MSR1: variants seen among roughly 807,000 people sequenced by gnomAD.
MSR1 encodes macrophage scavenger receptor types I and II.
A neutral mutation model predicts 47.2 loss-of-function variants in MSR1; 53 were observed. That is an observed-to-expected ratio of 1.12 (90% CI 0.90 to 1.41). MSR1 has a LOEUF of 1.41. Ranked by LOEUF, MSR1 falls within the 40% of genes most tolerant of loss-of-function variation. MSR1 has a pLI of 0.00. For synonymous variants in MSR1, 239 were observed against 185.6 expected (o/e 1.29, Z -2.34); for missense variants, 786 against 546.9 (o/e 1.44, Z -4.36).
At chr8:16,153,134 G>C (rs1248007586) in intron 6 of MSR1, among the ~76,000 whole-genome samples, 1 of 152,016 alleles carries the variant, frequency 6.6e-6, no homozygotes, top group East Asian at 1.9e-4. Context: ...GTCTAGGTGA[G>C]TTTGACTTGG....
At chr8:16,167,985 T>C (rs1253733072) in intron 4 of MSR1, among the ~76,000 whole-genome samples, 3 of 152,042 alleles carry the variant, frequency 2.0e-5, no homozygotes, top group Non-Finnish European at 2.9e-5. Context: ...AGACTCCCCA[T>C]ACAAAAACTG....
intron 7 of MSR1, among the ~76,000 whole-genome samples, chr8:16,146,607 T>C (rs1462558238): frequency 2.6e-5 from 4 of 152,148 alleles, no homozygotes; most frequent in Non-Finnish European, 4.4e-5. Flanking sequence ...TTCACCTTAC[T>C]TGACCACCTT....
At chr8:16,171,123 C>T (rs1250997672) in intron 3 of MSR1, among the ~76,000 whole-genome samples, 3 of 149,476 alleles carry the variant, frequency 2.0e-5, no homozygotes, top group African/African-American at 7.4e-5. Context: ...GCTCGGGAGG[C>T]TGAGGCAGGA....
chr8:16,160,273 A>C (rs1801125627), intron 5 of MSR1, among the ~76,000 whole-genome samples: 1 of 152,068 alleles, frequency 6.6e-6, no homozygotes, highest in South Asian at 2.1e-4. Flanking sequence ...GGAACAGAGA[A>C]TACAGAATGT....
At chr8:16,131,451 T>TTTG (rs1236942146) in intron 8 of MSR1, among the ~76,000 whole-genome samples, 23 of 147,950 alleles carry the variant, frequency 1.6e-4, no homozygotes, top group African/African-American at 5.2e-4. Context: ...GTTTTTTTTT[T>TTTG]TTTTTTTTTT....
At chr8:16,165,716 T>C (rs566208461) in intron 4 of MSR1, among the ~76,000 whole-genome samples, 1 of 152,222 alleles carries the variant, frequency 6.6e-6, no homozygotes, top group South Asian at 2.1e-4. Flanking sequence ...TAGACAAGCT[T>C]AGGTGAGAGG....
rs142368693 is a variant in MSR1, at chr8:16,173,517, T to A, written c.217+1670A>T. On this transcript the variant is annotated intron_variant, in intron 3 of 9. Transcript: ENST00000262101. The stretch of plus-strand genomic sequence containing the variant: ...ATTGTTTAATGCCAAACGTGTCAGG[T>A]CCTTTTACTCAGACAACAATAGTTT... Among the ~76,000 whole-genome samples the A allele has an allele frequency of 9.5e-3, 1,447 of 152,334 alleles. 11 individuals carry two copies. Among genetic ancestry groups the A allele is most frequent in the Middle Eastern group, 0.017 (5 of 294 alleles).
chr8:16,129,322 G>A (rs1800200898), intron 8 of MSR1, among the ~76,000 whole-genome samples: 1 of 152,198 alleles, frequency 6.6e-6, no homozygotes, highest in South Asian at 2.1e-4. Flanking sequence ...TGAGTAAGAA[G>A]TAGAAAATGA....
At position 16,164,462 on chromosome 8, in the gene MSR1, A is replaced by G. The variant is rs555374649; in HGVS notation, c.631-211T>C. 1.9e-4 allele frequency among the ~76,000 whole-genome samples: 29 copies of G among 152,090 alleles called. No homozygotes were observed. The South Asian group carries it at 5.8e-3, about 30-fold the overall frequency. Reference sequence around the variant, plus strand: ...TTGACTGAATGGCTGAATGTTTACAATCACAACCCCCTTCAAAAATCAATT... The same window carrying G: ...TTGACTGAATGGCTGAATGTTTACAGTCACAACCCCCTTCAAAAATCAATT... On this transcript the variant is annotated intron_variant, in intron 4 of 9. Coordinates refer to ENST00000262101, the MANE Select transcript of MSR1 (RefSeq NM_138715.3).
At chr8:16,120,656 A>G in intron 8 of MSR1, 50 bp from the exon 9 acceptor site, 1 of 1,530,796 alleles carries the variant, frequency 6.5e-7, no homozygotes, top group African/African-American at 1.4e-5. Flanking sequence ...AGCAAGGACT[A>G]ATTATGTACA....
chr8:16,116,599 A>G (rs1799881055), intron 9 of MSR1, among the ~76,000 whole-genome samples: 1 of 151,078 alleles, frequency 6.6e-6, no homozygotes, highest in Admixed American at 6.5e-5. Flanking sequence ...AAGTTTAAAA[A>G]AAACCATTTT....
At chr8:16,112,212 A>C (rs1223612757) in intron 9 of MSR1, among the ~76,000 whole-genome samples, 1 of 152,190 alleles carries the variant, frequency 6.6e-6, no homozygotes, top group Non-Finnish European at 1.5e-5. Context: ...AGTTTCAGAC[A>C]CAGTGAAAAT....
intron 1 of MSR1, among the ~76,000 whole-genome samples, chr8:16,183,089 G>T (rs547478946): frequency 6.6e-6 from 1 of 152,004 alleles, no homozygotes; most frequent in Admixed American, 6.6e-5. Flanking sequence ...TCATACATAT[G>T]GTCCTGTGTT....
chr8:16,140,384 T>C, intron 8 of MSR1: 3 of 985,592 alleles, frequency 3.0e-6, no homozygotes, highest in Non-Finnish European at 3.6e-6. Flanking sequence ...GATTCCTCAG[T>C]AAAAATCAAA....
intron 8 of MSR1, among the ~76,000 whole-genome samples, chr8:16,123,454 C>T (rs12114368): frequency 0.067 from 10,247 of 152,082 alleles, 602 homozygotes; most frequent in East Asian, 0.23. Context: ...AGCTAATTCA[C>T]TGTCACAAAG....
chr8:16,127,299 T>A (rs754100840), intron 8 of MSR1, among the ~76,000 whole-genome samples: 2 of 152,136 alleles, frequency 1.3e-5, no homozygotes, highest in Non-Finnish European at 2.9e-5. Flanking sequence ...AATACTAGAA[T>A]ACATATGACC....
At chr8:16,187,611 C>T (rs1802041304) in intron 1 of MSR1, among the ~76,000 whole-genome samples, 1 of 151,880 alleles carries the variant, frequency 6.6e-6, no homozygotes, top group South Asian at 2.1e-4. Context: ...TCAGAGAGTT[C>T]CTGAAGGTGC....
chr8:16,180,084 GTC>G (rs1381690083), intron 1 of MSR1, among the ~76,000 whole-genome samples: 1 of 140,634 alleles, frequency 7.1e-6, no homozygotes, highest in Non-Finnish European at 1.5e-5. Context: ...ATTGTACCCG[GTC>G]TCTCTCTTTC....
intron 9 of MSR1, 63 bp downstream of exon 9, chr8:16,120,355 C>A (rs917081217): frequency 1.3e-6 from 2 of 1,552,256 alleles, no homozygotes; most frequent in African/African-American, 1.4e-5. Flanking sequence ...CCAGTCTGGG[C>A]GACAGAATGA....
Sources: allele counts gnomAD v4.1 joint callset (sites outside exome capture counted in the v4.1 genomes callset), GRCh38; gene constraint gnomAD v4.1.1; transcripts MANE v1.5; gene names NCBI Gene and HGNC (gene_info 2026-07-23, HGNC 2026-07-21).